Variants in TYW1 observed in about 807,000 individuals in gnomAD.
TYW1 encodes S-adenosyl-L-methionine-dependent tRNA 4-demethylwyosine synthase TYW1.
Under a neutral mutation model 96.2 loss-of-function variants are expected in TYW1, and 46 were observed. That is an observed-to-expected ratio of 0.48 (90% CI 0.38 to 0.61). The LOEUF is 0.61. Ranked by LOEUF, TYW1 falls within the 20% of genes least tolerant of loss-of-function variation. The pLI, the probability that TYW1 is intolerant of heterozygous loss-of-function variation, is 0.00. For missense variants in TYW1, 684 were observed against 909.6 expected (o/e 0.75, Z 3.19); for synonymous variants, 274 against 323.0 (o/e 0.85, Z 1.63).
chr7:67,007,266 T>G (rs1476246057), intron 3 of TYW1, among the ~76,000 whole-genome samples: 1 of 152,108 alleles, frequency 6.6e-6, no homozygotes, highest in East Asian at 1.9e-4. Flanking sequence ...GTTACCAAAT[T>G]CTTCTAGCTT....
chr7:67,002,447 C>T (rs545073739), intron 3 of TYW1, among the ~76,000 whole-genome samples: 8 of 152,144 alleles, frequency 5.3e-5, no homozygotes, highest in Non-Finnish European at 8.8e-5. Flanking sequence ...GTGTAGAAGA[C>T]TATTAAAAAC....
intron 7 of TYW1, 55 bp downstream of exon 7, chr7:67,025,077 G>A: frequency 1.9e-6 from 3 of 1,606,686 alleles, no homozygotes; most frequent in Non-Finnish European, 2.6e-6. Context: ...TTAACATTTA[G>A]TATTTCTTTA....
chr7:67,188,665 C>T lies in TYW1; in HGVS notation c.1809+5429C>T, dbSNP rs1584673533. On this transcript the variant is annotated intron_variant, in intron 14 of 15. Transcript: ENST00000359626. ...CACGGACACAGTAACACTTGGAAGG[C>T]TTGTTCCCTACCCGTGCGTTTGGTA... is the stretch of plus-strand genomic sequence containing the variant. 2.0e-5 allele frequency among the ~76,000 whole-genome samples: 3 copies of T among 152,274 alleles called. No individual in the cohort carries two copies. The South Asian group carries it at 6.2e-4, about 32-fold the overall frequency.
chr7:67,027,478 C>G (rs1488596301), intron 7 of TYW1, among the ~76,000 whole-genome samples: 1 of 151,890 alleles, frequency 6.6e-6, no homozygotes, highest in Admixed American at 6.6e-5. Context: ...CTGTATGATT[C>G]AAAATCTAGA....
chr7:67,066,049 G>C (rs1188088399), intron 9 of TYW1, among the ~76,000 whole-genome samples: 2 of 151,094 alleles, frequency 1.3e-5, no homozygotes, highest in Non-Finnish European at 3.0e-5. Context: ...CCCTATACAC[G>C]TGTAAAGGCT....
intron 7 of TYW1, among the ~76,000 whole-genome samples, chr7:67,031,847 AC>A (rs1180184963): frequency 1.3e-5 from 2 of 151,074 alleles, no homozygotes. Flanking sequence ...ACCTACACCA[AC>A]CAACCAAATT....
chr7:67,048,291 C>T (rs1584500148), intron 7 of TYW1, among the ~76,000 whole-genome samples: 2 of 151,040 alleles, frequency 1.3e-5, no homozygotes, highest in African/African-American at 4.9e-5. Context: ...AATGGTGTTA[C>T]GGTGAGTCCA....
At chr7:67,139,226 A>G (rs879798131) in intron 13 of TYW1, among the ~76,000 whole-genome samples, 1 of 151,946 alleles carries the variant, frequency 6.6e-6, no homozygotes, top group Non-Finnish European at 1.5e-5. Flanking sequence ...TAATTTTTGT[A>G]TTTTCAGTAG....
intron 6 of TYW1, among the ~76,000 whole-genome samples, chr7:67,018,977 A>AAAAAAAAAC: frequency 1.0e-5 from 1 of 100,422 alleles, no homozygotes; most frequent in Non-Finnish European, 2.2e-5. Flanking sequence ...AAAAAAAGAA[A>AAAAAAAAAC]AAAACAAAAT....
In TYW1 at chr7:67,141,896, G is replaced by A. The variant is rs550866474; in HGVS notation, c.1698+24278G>A. Among the ~76,000 whole-genome samples the A allele has an allele frequency of 6.6e-5, 10 of 152,256 alleles. No homozygotes were observed. In the South Asian group the frequency reaches 1.9e-3, roughly 28 times the overall value. On this transcript the variant is annotated intron_variant, in intron 13 of 15. Coordinates refer to ENST00000359626, the MANE Select transcript of TYW1 (RefSeq NM_018264.4). ...ACTAAAAATACAAAATTAGCTGGGC[G>A]TGGTGGTAGGCGCCTGTAATCCCAG...
chr7:67,179,582 A>G lies in TYW1; in HGVS notation c.1699-3544A>G, dbSNP rs1799773371. ...GATTTGTTGTAAAGATTAGACAGATATTGGAATCTTTGCCAAGCTACAAAG... is the reference window on the plus strand; with the variant it reads ...GATTTGTTGTAAAGATTAGACAGATGTTGGAATCTTTGCCAAGCTACAAAG... On this transcript the variant is annotated intron_variant, in intron 13 of 15. Transcript: ENST00000359626. Among the ~76,000 whole-genome samples the G allele has an allele frequency of 1.5e-5, 2 of 136,052 alleles. 1 individual carries two copies. The highest frequency in any genetic ancestry group is 4.8e-4 in the South Asian group (2 of 4,176). 89.3% of individuals were successfully genotyped at this position (136,052 alleles called of 152,430 possible). A position where few individuals can be genotyped will look rare whatever the true frequency, so the allele number is the denominator to read the frequency against.
At chr7:67,170,263 A>G (rs1799475882) in intron 13 of TYW1, among the ~76,000 whole-genome samples, 1 of 152,150 alleles carries the variant, frequency 6.6e-6, no homozygotes, top group Admixed American at 6.6e-5. Flanking sequence ...TTATTTGTGG[A>G]CTGTCCAGTT....
At chr7:67,121,921 A>G (rs370054987) in intron 13 of TYW1, among the ~76,000 whole-genome samples, 1 of 147,446 alleles carries the variant, frequency 6.8e-6, no homozygotes, top group South Asian at 2.2e-4. Flanking sequence ...CTAAAAACCA[A>G]TTCCATCAAG....
chr7:67,218,735 T>C (rs1197582922), intron 15 of TYW1, among the ~76,000 whole-genome samples: 1 of 152,232 alleles, frequency 6.6e-6, no homozygotes, highest in Admixed American at 6.5e-5. Flanking sequence ...ATGCAGCTGA[T>C]TTTTGCATGT....
intron 3 of TYW1, among the ~76,000 whole-genome samples, chr7:67,004,818 C>T (rs185427179): frequency 2.6e-4 from 39 of 152,232 alleles, no homozygotes; most frequent in African/African-American, 8.9e-4. Context: ...TGCAGTGGTG[C>T]GATCTCAGCT....
At chr7:67,136,231 A>G (rs1350744018) in intron 13 of TYW1, among the ~76,000 whole-genome samples, 2 of 152,256 alleles carry the variant, frequency 1.3e-5, no homozygotes, top group African/African-American at 4.8e-5. Context: ...TTTGTTAACC[A>G]TAACCGTTTC....
chr7:67,108,449 T>C (rs540679376), intron 12 of TYW1, among the ~76,000 whole-genome samples: 1 of 150,928 alleles, frequency 6.6e-6, no homozygotes, highest in Non-Finnish European at 1.5e-5. Flanking sequence ...TTTTCTTTTT[T>C]TTTTTTTTTT....
intron 10 of TYW1, among the ~76,000 whole-genome samples, chr7:67,069,812 T>C (rs1481002846): frequency 6.6e-6 from 1 of 152,200 alleles, no homozygotes; most frequent in East Asian, 1.9e-4. Flanking sequence ...TATTTACCTA[T>C]GTATTTTACC....
At chr7:67,091,027 C>G (rs966972755) in intron 11 of TYW1, among the ~76,000 whole-genome samples, 3 of 152,092 alleles carry the variant, frequency 2.0e-5, no homozygotes, top group Non-Finnish European at 4.4e-5. Context: ...GGATCTAGAA[C>G]TAGAAATACC....
Sources: allele counts gnomAD v4.1 joint callset (sites outside exome capture counted in the v4.1 genomes callset), GRCh38; gene constraint gnomAD v4.1.1; transcripts MANE v1.5; gene names NCBI Gene and HGNC (gene_info 2026-07-23, HGNC 2026-07-21).